Variants in CFAP53 observed in about 807,000 individuals in gnomAD.
CFAP53 encodes the protein cilia- and flagella-associated protein 53.
Under a neutral mutation model 59.7 loss-of-function variants are expected in CFAP53, and 62 were observed. The observed-to-expected ratio is 1.04, with a 90% CI of 0.85 to 1.28. CFAP53 has a LOEUF of 1.28. Ranked by LOEUF, CFAP53 falls within the 50% of genes most tolerant of loss-of-function variation. CFAP53 has a pLI of 0.00. For missense variants in CFAP53, 629 were observed against 615.6 expected (o/e 1.02, Z -0.23); for synonymous variants, 218 against 205.7 (o/e 1.06, Z -0.51).
At chr18:50,248,783 T>TAAAA (rs748223121) in intron 5 of CFAP53, among the ~76,000 whole-genome samples, 1 of 58,176 alleles carries the variant, frequency 1.7e-5, no homozygotes, top group African/African-American at 6.8e-5. Context: ...AGACTCCGCC[T>TAAAA]AAAAAAAAAA....
chr18:50,245,764 T>C (rs1599122004), intron 5 of CFAP53, among the ~76,000 whole-genome samples: 1 of 152,208 alleles, frequency 6.6e-6, no homozygotes, highest in Non-Finnish European at 1.5e-5. Flanking sequence ...AGCTGATCCA[T>C]GTAACTTCCA....
intron 4 of CFAP53, among the ~76,000 whole-genome samples, 192 bp downstream of exon 4, chr18:50,251,289 T>G (rs2033796690): frequency 6.6e-6 from 1 of 152,210 alleles, no homozygotes; most frequent in South Asian, 2.1e-4. Context: ...GCGTTGGCCT[T>G]CCACACTTGA....
chr18:50,243,620 C>T (rs1324702155), intron 5 of CFAP53, among the ~76,000 whole-genome samples: 2 of 152,160 alleles, frequency 1.3e-5, no homozygotes, highest in Non-Finnish European at 2.9e-5. Flanking sequence ...AATTCTCAAT[C>T]TTAGCTACAC....
intron 3 of CFAP53, among the ~76,000 whole-genome samples, chr18:50,260,469 C>T (rs1380671003): frequency 6.6e-6 from 1 of 152,074 alleles, no homozygotes; most frequent in East Asian, 1.9e-4. Context: ...CAAAACCACC[C>T]TGCGCAACAT....
chr18:50,227,866 G>A (rs1056867638), intron 7 of CFAP53, among the ~76,000 whole-genome samples: 1 of 151,184 alleles, frequency 6.6e-6, no homozygotes, highest in East Asian at 1.9e-4. Flanking sequence ...ATGTGGTAAT[G>A]GTCCTTGGTT....
chr18:50,227,671 G>A (rs2033538746), intron 7 of CFAP53, 62 bp from the exon 8 acceptor site: 1 of 1,197,110 alleles, frequency 8.4e-7, no homozygotes. Context: ...TTTATTCAGA[G>A]CATTACAATT....
intron 5 of CFAP53, among the ~76,000 whole-genome samples, chr18:50,247,950 T>C (rs1263323776): frequency 6.6e-6 from 1 of 152,140 alleles, no homozygotes; most frequent in Non-Finnish European, 1.5e-5. Flanking sequence ...GAATTCTCTC[T>C]TGAAGCTGTT....
chr18:50,266,247 C>T (rs2144453207), intron 1 of CFAP53, 89 bp downstream of exon 1: 2 of 1,291,144 alleles, frequency 1.5e-6, no homozygotes, highest in Non-Finnish European at 1.1e-6. Context: ...GAGAAGGCCC[C>T]GGGTGGGGGC....
chr18:50,259,595 G>A (rs986133061), intron 3 of CFAP53, among the ~76,000 whole-genome samples: 16 of 151,988 alleles, frequency 1.1e-4, no homozygotes, highest in African/African-American at 2.9e-4. Flanking sequence ...CACCATGCCC[G>A]GCTAATTTTT....
At chr18:50,240,352 C>T (rs1350924924) in intron 6 of CFAP53, among the ~76,000 whole-genome samples, 2 of 152,196 alleles carry the variant, frequency 1.3e-5, no homozygotes, top group Admixed American at 1.3e-4. Context: ...CTGCTCTGCC[C>T]TCATTCTCTA....
At chr18:50,248,399 C>G (rs961702168) in intron 5 of CFAP53, among the ~76,000 whole-genome samples, 2 of 152,190 alleles carry the variant, frequency 1.3e-5, no homozygotes, top group Non-Finnish European at 2.9e-5. Context: ...TATGGCTACT[C>G]TGAAAAACAG....
rs143873880 is a variant in CFAP53, at chr18:50,257,058, C to A, written c.473+4006G>T. Among the ~76,000 whole-genome samples the A allele has an allele frequency of 5.7e-4, 86 of 151,746 alleles. 1 individual carries two copies. In the East Asian group the frequency reaches 0.013, roughly 24 times the overall value. ...AATGCTAATGGCTATGTTTTAAACA[C>A]TTCCAGGTAATATTTTGGACTGTAA... On this transcript the variant is annotated intron_variant, in intron 3 of 7. Coordinates refer to ENST00000398545, the MANE Select transcript of CFAP53 (RefSeq NM_145020.5).
rs375696939 is a variant in CFAP53 at position 50,263,314 on chromosome 18, CAG to C, written c.70-1097_70-1096del. Among the ~76,000 whole-genome samples, 15 of 152,252 alleles carry C rather than the reference CAG, an allele frequency of 9.9e-5. No homozygotes were observed. In the East Asian group the frequency reaches 2.7e-3, roughly 27 times the overall value. ...TCACAGAAACAAAACTCTTAAGAGACAGAGAGTCAATCTGATCTTTTACATTT... is the reference window on the plus strand; with the variant it reads ...TCACAGAAACAAAACTCTTAAGAGACAGAGTCAATCTGATCTTTTACATTT... On this transcript the variant is annotated intron_variant, in intron 1 of 7. Transcript: ENST00000398545.
rs1290618934 is a variant in CFAP53, at chr18:50,250,764, T to A, written c.990A>T (p.Gln330His). 6.2e-7 allele frequency: 1 copy of A among 1,613,978 alleles called. No individual in the cohort carries two copies. Among genetic ancestry groups the A allele is most frequent in the Middle Eastern group, 1.7e-4 (1 of 6,060 alleles). The stretch of plus-strand genomic sequence containing the variant: ...CACCAAAAAAATGTCTTACTCTTTT[T>A]TGTTTCTTTTTATCTGCCTCTTCCT... ...DLQEEADKKK[Q>H]KREDMIREQK... The change falls in exon 5 of 8, where the codon CAA (glutamine) becomes CAT (histidine). Residue 330 changes from glutamine to histidine, a missense_variant. Transcript: ENST00000398545.
chr18:50,237,399 CACACAT>C (rs1427538639), intron 7 of CFAP53, among the ~76,000 whole-genome samples: 4 of 96,538 alleles, frequency 4.1e-5, no homozygotes, highest in Admixed American at 1.2e-4. Context: ...CACACACACA[CACACAT>C]ATATATATAT....
intron 7 of CFAP53, among the ~76,000 whole-genome samples, chr18:50,235,684 T>G (rs182514139): frequency 2.0e-5 from 3 of 152,324 alleles, no homozygotes; most frequent in Admixed American, 2.0e-4. Flanking sequence ...GTTACTGCAG[T>G]GAGGGTATCA....
intron 4 of CFAP53, 37 bp from the exon 5 acceptor site, chr18:50,251,013 C>G: frequency 6.4e-7 from 1 of 1,552,818 alleles, no homozygotes; most frequent in East Asian, 2.2e-5. Context: ...TGCATCAGTA[C>G]AGTTGGACAA....
At chr18:50,244,712 G>C (rs1229117501) in intron 5 of CFAP53, among the ~76,000 whole-genome samples, 1 of 152,082 alleles carries the variant, frequency 6.6e-6, no homozygotes, top group African/African-American at 2.4e-5. Flanking sequence ...TCATGATCTA[G>C]AATCAGGCAA....
intron 7 of CFAP53, among the ~76,000 whole-genome samples, chr18:50,237,684 G>C (rs1015997738): frequency 6.6e-6 from 1 of 152,002 alleles, no homozygotes. Flanking sequence ...GGCCACCAGT[G>C]GGAAGAGACT....
Sources: allele counts gnomAD v4.1 joint callset (sites outside exome capture counted in the v4.1 genomes callset), GRCh38; gene constraint gnomAD v4.1.1; transcripts MANE v1.5; gene names NCBI Gene and HGNC (gene_info 2026-07-23, HGNC 2026-07-21).